SLC9A9: variants seen among roughly 807,000 people sequenced by gnomAD.
SLC9A9 encodes the protein sodium/hydrogen exchanger 9.
Under a neutral mutation model 77.8 loss-of-function variants are expected in SLC9A9, and 62 were observed. That is an observed-to-expected ratio of 0.80 (90% CI 0.65 to 0.98). The LOEUF (loss-of-function observed/expected upper bound fraction) is 0.98, where lower values mean the gene tolerates loss of function less well. SLC9A9 is among the 50% of genes least tolerant of loss of function. The pLI is 0.00. For synonymous variants in SLC9A9, 320 were observed against 283.5 expected (o/e 1.13, Z -1.29); for missense variants, 775 against 774.9 (o/e 1.00, Z 0.00).
chr3:143,814,353 AT>A (rs760180976), intron 2 of SLC9A9, among the ~76,000 whole-genome samples: 3 of 152,122 alleles, frequency 2.0e-5, no homozygotes, highest in Non-Finnish European at 4.4e-5. Context: ...ATGAGCATAG[AT>A]GGGGTATCTG....
intron 9 of SLC9A9, among the ~76,000 whole-genome samples, chr3:143,540,527 A>G (rs1306375090): frequency 6.6e-6 from 1 of 152,184 alleles, no homozygotes; most frequent in Non-Finnish European, 1.5e-5. Context: ...GCCCAAGGAG[A>G]GGAAGAAGAA....
At chr3:143,746,252 C>T (rs553109542) in intron 4 of SLC9A9, among the ~76,000 whole-genome samples, 1 of 152,142 alleles carries the variant, frequency 6.6e-6, no homozygotes, top group Non-Finnish European at 1.5e-5. Flanking sequence ...ATAATGGCAG[C>T]TTAAACTAGA....
intron 1 of SLC9A9, among the ~76,000 whole-genome samples, chr3:143,839,802 C>T (rs933776808): frequency 7.2e-5 from 11 of 152,084 alleles, no homozygotes; most frequent in East Asian, 5.8e-4. Context: ...TCTAACTAGA[C>T]GTATACTGAA....
chr3:143,555,964 T>A (rs1302544684), intron 8 of SLC9A9, among the ~76,000 whole-genome samples: 2 of 152,224 alleles, frequency 1.3e-5, no homozygotes, highest in African/African-American at 2.4e-5. Context: ...CAATCATAAT[T>A]CCATAGCTTA....
At chr3:143,598,990 G>GT (rs1199111981) in intron 6 of SLC9A9, among the ~76,000 whole-genome samples, 1 of 152,202 alleles carries the variant, frequency 6.6e-6, no homozygotes, top group Non-Finnish European at 1.5e-5. Flanking sequence ...TGAAAATTAT[G>GT]TAAGTAGAAC....
chr3:143,343,080 A>C (rs1385392097), intron 14 of SLC9A9, among the ~76,000 whole-genome samples: 1 of 152,228 alleles, frequency 6.6e-6, no homozygotes, highest in African/African-American at 2.4e-5. Context: ...GTGTTTGTTT[A>C]TTTCTTTATT....
rs112735454 is a variant in SLC9A9 at position 143,848,296 on chromosome 3, T to C, written c.27A>G (p.Ser9=). MERQSRVM[S]EKDEYQFQHQ... is the part of the protein sequence containing the mutation. Reference sequence around the variant, plus strand: ...GTTGAAACTGATACTCATCCTTTTCTGACATAACCCTTGACTGTCTCTCCA... The same window carrying C: ...GTTGAAACTGATACTCATCCTTTTCCGACATAACCCTTGACTGTCTCTCCA... Residue 9 remains serine, a synonymous_variant, in exon 1 of 16, where the codon TCA becomes TCG. Coordinates refer to ENST00000316549, the MANE Select transcript of SLC9A9 (RefSeq NM_173653.4). The C allele has an allele frequency of 8.7e-6, 14 of 1,614,026 alleles. No homozygotes were observed. Among genetic ancestry groups the C allele is most frequent in the East Asian group, 2.2e-5 (1 of 44,876 alleles).
chr3:143,421,545 A>C (rs1216826370), intron 12 of SLC9A9, among the ~76,000 whole-genome samples: 3 of 152,202 alleles, frequency 2.0e-5, no homozygotes, highest in Non-Finnish European at 4.4e-5. Flanking sequence ...GACTAGCTAC[A>C]TGCAAAAGAA....
chr3:143,683,041 G>T (rs1051986897), intron 5 of SLC9A9, among the ~76,000 whole-genome samples: 4 of 152,138 alleles, frequency 2.6e-5, no homozygotes, highest in African/African-American at 7.2e-5. Context: ...TGCCTACCAT[G>T]AAATTTACTA....
At chr3:143,568,663 C>A (rs544017791) in intron 8 of SLC9A9, among the ~76,000 whole-genome samples, 1 of 152,196 alleles carries the variant, frequency 6.6e-6, no homozygotes, top group East Asian at 1.9e-4. Flanking sequence ...GGTTTTGAAA[C>A]TTTTTTCTTT....
chr3:143,406,381 AT>A (rs2033980584), intron 12 of SLC9A9, among the ~76,000 whole-genome samples: 1 of 151,588 alleles, frequency 6.6e-6, no homozygotes, highest in African/African-American at 2.4e-5. Context: ...TTTTTCCTGT[AT>A]CTTTTTTTTT....
At chr3:143,746,136 A>G (rs980951568) in intron 4 of SLC9A9, among the ~76,000 whole-genome samples, 2 of 152,208 alleles carry the variant, frequency 1.3e-5, no homozygotes, top group African/African-American at 4.8e-5. Context: ...CTTATTTCCA[A>G]TATGGTGGAA....
intron 14 of SLC9A9, among the ~76,000 whole-genome samples, chr3:143,314,748 G>T (rs562433504): frequency 6.6e-6 from 1 of 152,306 alleles, no homozygotes; most frequent in African/African-American, 2.4e-5. Context: ...AATTTTAACT[G>T]GCCCCAGGCA....
chr3:143,698,221 C>T (rs1466482858), intron 4 of SLC9A9: 3 of 153,708 alleles, frequency 2.0e-5, no homozygotes, highest in African/African-American at 7.2e-5. Context: ...GTCAGATGTC[C>T]TCCTGTGGAC....
chr3:143,771,122 G>T (rs995584180), intron 4 of SLC9A9, among the ~76,000 whole-genome samples: 1 of 152,142 alleles, frequency 6.6e-6, no homozygotes, highest in Admixed American at 6.5e-5. Flanking sequence ...AGATTAAAAG[G>T]TTTGTAGGAG....
intron 4 of SLC9A9, among the ~76,000 whole-genome samples, chr3:143,754,041 G>A (rs538218126): frequency 1.1e-3 from 161 of 152,264 alleles, no homozygotes; most frequent in Non-Finnish European, 1.2e-3. Flanking sequence ...AGAAGGGCTT[G>A]AGGCCCAGCC....
intron 15 of SLC9A9, among the ~76,000 whole-genome samples, chr3:143,268,245 C>T (rs1217264547): frequency 6.6e-6 from 1 of 152,162 alleles, no homozygotes; most frequent in African/African-American, 2.4e-5. Context: ...ATTCCACTCC[C>T]TTGAGCCATA....
chr3:143,355,476 CAG>C (rs2032562140), intron 14 of SLC9A9, among the ~76,000 whole-genome samples: 1 of 152,136 alleles, frequency 6.6e-6, no homozygotes. Context: ...GATGGAGACA[CAG>C]AATGGTTAAA....
At chr3:143,769,807 A>C (rs1159812858) in intron 4 of SLC9A9, among the ~76,000 whole-genome samples, 1 of 152,176 alleles carries the variant, frequency 6.6e-6, no homozygotes, top group African/African-American at 2.4e-5. Flanking sequence ...CCTCAGTGTG[A>C]CTCAAGGATG....
Sources: allele counts gnomAD v4.1 joint callset (sites outside exome capture counted in the v4.1 genomes callset), GRCh38; gene constraint gnomAD v4.1.1; transcripts MANE v1.5; gene names NCBI Gene and HGNC (gene_info 2026-07-23, HGNC 2026-07-21).